ZNF7: variants seen among roughly 807,000 people sequenced by gnomAD.
ZNF7 encodes zinc finger protein 7.
A neutral mutation model predicts 12.0 loss-of-function variants in ZNF7; 10 were observed. That is an observed-to-expected ratio of 0.83 (90% CI 0.51 to 1.42). The LOEUF is 1.42. Among genes scored for constraint, ZNF7 ranks in the 40% most tolerant of loss-of-function variants. The probability of loss-of-function intolerance (pLI) is 0.00; values close to 1 mark genes in which losing one functional copy is unlikely to be tolerated. For synonymous variants in ZNF7, 334 were observed against 295.0 expected, an observed-to-expected ratio of 1.13 and a Z score of -1.35; for missense variants, 854 against 837.2, an observed-to-expected ratio of 1.02 and a Z score of -0.25.
Position 144,829,041 on chromosome 8 carries a change from A to G in ZNF7, c.-45-2A>G. The G allele has an allele frequency of 1.2e-6, 2 of 1,613,714 alleles. No homozygotes were observed. The highest frequency in any genetic ancestry group is 1.7e-6 in the Non-Finnish European group (2 of 1,179,822). On this transcript the variant is annotated splice_acceptor_variant, in intron 1 of 4. Transcript: ENST00000532777. LOFTEE classifies it low-confidence loss of function (5UTR_SPLICE). ...CTCTAATCCTTTCATAATTGCCAAC[A>G]GGTCTCTCGGCCAGAACACGTGGAT... is the stretch of plus-strand genomic sequence containing the variant.
intron 3 of ZNF7, chr8:144,829,850 A>G (rs2130537472): frequency 5.4e-6 from 2 of 367,024 alleles, no homozygotes; most frequent in Middle Eastern, 7.2e-4. Context: ...AAGCTGTTAA[A>G]TTGTGAGAAA....
intron 1 of ZNF7, chr8:144,827,863 G>A (rs1827957709): frequency 4.9e-6 from 1 of 203,716 alleles, no homozygotes; most frequent in Admixed American, 6.5e-5. Context: ...CCCGCTCGTG[G>A]CGGCCACGGT....
At chr8:144,828,926 C>A in intron 1 of ZNF7, 117 bp from the exon 2 acceptor site, 1 of 1,369,814 alleles carries the variant, frequency 7.3e-7, no homozygotes. Context: ...CCCCATGTCC[C>A]TGCTAGAGAA....
At chr8:144,844,969 A>G (rs948141608), downstream of ZNF7, among the ~76,000 whole-genome samples, 12 of 151,980 alleles carry the variant, frequency 7.9e-5, no homozygotes, top group African/African-American at 2.9e-4. Flanking sequence ...AAAGAACTTG[A>G]GCTGCAGTGG....
Position 144,843,148 on chromosome 8 carries a change from C to A in ZNF7, c.2041C>A (p.Gln681Lys). ...TCGTAGCTCAAGGCTTACCCAGCAT[C>A]AAAAAATTCACATGGGATAGACCAC... Reference protein sequence around the residue: ...FNRSSRLTQHQKIHMG With the variant: ...FNRSSRLTQHKKIHMG Residue 681 changes from glutamine (Q) to lysine (K), a missense_variant, in exon 5 of 5, where the codon CAA becomes AAA. Gln to Lys is a moderately conservative substitution (Grantham distance 53). Coordinates refer to ENST00000532777, the MANE Select transcript of ZNF7 (RefSeq NM_003416.4). 3 of 1,590,190 alleles carry A rather than the reference C, an allele frequency of 1.9e-6. No homozygotes were observed. The highest frequency in any genetic ancestry group is 1.2e-5 in the South Asian group (1 of 86,904).
At chr8:144,827,640 T>A (rs1260688174) in intron 1 of ZNF7, 31 bp downstream of exon 1, 50 of 985,304 alleles carry the variant, frequency 5.1e-5, no homozygotes, top group Non-Finnish European at 5.9e-5. Context: ...CGGACTCGGG[T>A]TGCCCTCGGT....
downstream of ZNF7, chr8:144,846,228 G>C (rs573604033): frequency 6.6e-6 from 10 of 1,505,562 alleles, no homozygotes; most frequent in East Asian, 2.5e-4. Context: ...TTCACTAACA[G>C]CAACCAGCCA....
chr8:144,847,338 G>C (rs1563853070), downstream of ZNF7: 1 of 152,266 alleles, frequency 6.6e-6, no homozygotes, highest in Non-Finnish European at 1.5e-5. Context: ...CCAGCACTTT[G>C]AGAGGCCAAG....
Position 144,842,722 on chromosome 8 carries a change from C to T in ZNF7, c.1615C>T (p.Gln539Ter). 1 of 1,614,108 alleles carries T rather than the reference C, an allele frequency of 6.2e-7. No homozygotes were observed. The highest frequency in any genetic ancestry group is 8.5e-7 in the Non-Finnish European group (1 of 1,180,012). Reference protein sequence around the residue: ...QCGKAFSMSTQLTIHQRVHTG... With the variant: ...QCGKAFSMST ...CGGAAAAGCCTTCAGTATGAGCACA[C>T]AGCTTACAATACATCAAAGGGTTCA... Residue 539 changes from glutamine (Q) to a stop codon, truncating the protein, a stop_gained, in exon 5 of 5, where the codon CAG becomes TAG. Transcript: ENST00000532777. LOFTEE classifies it low-confidence loss of function (END_TRUNC).
intron 4 of ZNF7, among the ~76,000 whole-genome samples, chr8:144,839,454 G>A (rs1000025187): frequency 6.6e-5 from 10 of 152,334 alleles, no homozygotes; most frequent in African/African-American, 1.7e-4. Flanking sequence ...AAACCCAGCC[G>A]CCCATTAAAA....
downstream of ZNF7, among the ~76,000 whole-genome samples, chr8:144,844,978 G>T (rs1463925607): frequency 6.6e-6 from 1 of 152,180 alleles, no homozygotes; most frequent in Non-Finnish European, 1.5e-5. Flanking sequence ...GAGCTGCAGT[G>T]GGGGTAGACC....
chr8:144,827,583 G>C lies in ZNF7; in HGVS notation c.-72G>C. 1 of 985,732 alleles carries C rather than the reference G, an allele frequency of 1.0e-6. No individual in the cohort carries two copies. The highest frequency in any genetic ancestry group is 1.2e-6 in the Non-Finnish European group (1 of 830,202). 61.1% of individuals were successfully genotyped at this position (985,732 alleles called of 1,614,324 possible). A position where few individuals can be genotyped will look rare whatever the true frequency, so the allele number is the denominator to read the frequency against. ...CCGTTTCCGGCGGCGTCGCGCGTTT[G>C]CGAGCCTCGGGTGGTCCTCAGGGAG... On this transcript the variant is annotated 5_prime_UTR_variant, in exon 1 of 5. Coordinates refer to ENST00000532777, the MANE Select transcript of ZNF7 (RefSeq NM_003416.4).
At chr8:144,830,491 C>T (rs1016930436) in intron 3 of ZNF7, among the ~76,000 whole-genome samples, 5 of 152,188 alleles carry the variant, frequency 3.3e-5, no homozygotes, top group African/African-American at 9.7e-5. Flanking sequence ...ATTCTAGGTC[C>T]GCTGTGTCTT....
chr8:144,832,201 A>C (rs2466403), intron 3 of ZNF7, among the ~76,000 whole-genome samples: 90,738 of 90,746 alleles, frequency 1, 45,365 homozygotes, highest in Middle Eastern at 1. Flanking sequence ...ATTGCCTCAA[A>C]TCAGGAGTTC....
chr8:144,843,185 T>C lies in ZNF7; in HGVS notation c.*17T>C. ...ATGGGATAGACCACTTACATATAAA[T>C]GTGTATATATGTGAATAAACCTATA... is the stretch of plus-strand genomic sequence containing the variant. On this transcript the variant is annotated 3_prime_UTR_variant, in exon 5 of 5. Coordinates refer to ENST00000532777, the MANE Select transcript of ZNF7 (RefSeq NM_003416.4). 7 of 1,539,462 alleles carry C rather than the reference T, an allele frequency of 4.5e-6. No individual in the cohort carries two copies. The highest frequency in any genetic ancestry group is 6.1e-6 in the Non-Finnish European group (7 of 1,147,760).
At chr8:144,844,709 C>CAA (rs71320849), downstream of ZNF7, among the ~76,000 whole-genome samples, 36 of 88,640 alleles carry the variant, frequency 4.1e-4, 1 homozygote, top group African/African-American at 9.3e-4. Flanking sequence ...GACTCTGTAT[C>CAA]AAAAAAAAAA....
intron 3 of ZNF7, among the ~76,000 whole-genome samples, chr8:144,833,196 CAAAAA>C (rs11417590): frequency 3.5e-4 from 38 of 109,056 alleles, no homozygotes; most frequent in Admixed American, 5.6e-4. Context: ...GACTTTGTCT[CAAAAA>C]AAAAAAAAAA....
At position 144,842,093 on chromosome 8, in the gene ZNF7, C is replaced by A. The variant is rs762906749; in HGVS notation, c.986C>A (p.Thr329Lys). The part of the protein sequence containing the change: ...SSLIHHQRIH[T>K]GERPYGCREC... ...CTCATCCACCATCAGAGAATCCACA[C>A]AGGAGAGAGGCCCTATGGTTGTCGT... The change falls in exon 5 of 5, where the codon ACA becomes AAA. Residue 329 changes from threonine (T) to lysine (K), a missense_variant. Transcript: ENST00000532777. 1 of 1,614,136 alleles carries A rather than the reference C, an allele frequency of 6.2e-7. No individual in the cohort carries two copies. The highest frequency in any genetic ancestry group is 1.1e-5 in the South Asian group (1 of 91,086).
At position 144,842,063 on chromosome 8, in the gene ZNF7, C is replaced by G. The variant is rs1829999646; in HGVS notation, c.956C>G (p.Ser319Ter). ...EECGKAFGQSSSLIHHQRIHT... is the reference protein window; with the variant it reads ...EECGKAFGQS ...TGTGGAAAAGCTTTTGGTCAGAGCTCAAGCCTCATCCACCATCAGAGAATC... is the reference window on the plus strand; with the variant it reads ...TGTGGAAAAGCTTTTGGTCAGAGCTGAAGCCTCATCCACCATCAGAGAATC... Residue 319 changes from serine to a stop codon, truncating the protein, a stop_gained, in exon 5 of 5, where the codon TCA becomes TGA. Transcript: ENST00000532777. LOFTEE classifies it low-confidence loss of function (END_TRUNC). 2 of 1,613,964 alleles carry G rather than the reference C, an allele frequency of 1.2e-6. No homozygotes were observed. The highest frequency in any genetic ancestry group is 1.7e-6 in the Non-Finnish European group (2 of 1,180,020).
Sources: allele counts gnomAD v4.1 joint callset (sites outside exome capture counted in the v4.1 genomes callset), GRCh38; gene constraint gnomAD v4.1.1; transcripts MANE v1.5; gene names NCBI Gene and HGNC (gene_info 2026-07-23, HGNC 2026-07-21).